ARHGEF38: variants seen among roughly 807,000 people sequenced by gnomAD.
The protein encoded by ARHGEF38 is Rho guanine nucleotide exchange factor 38.
In ARHGEF38, 79 loss-of-function variants were observed where a neutral mutation model predicts 79.9. The observed-to-expected ratio is 0.99, with a 90% CI of 0.82 to 1.19. The LOEUF (loss-of-function observed/expected upper bound fraction) is 1.19, where lower values mean the gene tolerates loss of function less well. ARHGEF38 is among the 50% of genes most tolerant of loss of function. ARHGEF38 has a pLI of 0.00. For synonymous variants in ARHGEF38, 366 were observed against 328.3 expected (o/e 1.11, Z -1.24); for missense variants, 962 against 907.2 (o/e 1.06, Z -0.78).
At chr4:105,656,622 A>G (rs2110559266) in intron 9 of ARHGEF38, among the ~76,000 whole-genome samples, 1 of 152,312 alleles carries the variant, frequency 6.6e-6, no homozygotes, top group Non-Finnish European at 1.5e-5. Context: ...ATTTCATAGT[A>G]GTATTTCAAG....
chr4:105,563,299 T>C (rs1298939866), intron 1 of ARHGEF38: 1 of 152,110 alleles, frequency 6.6e-6, no homozygotes, highest in Non-Finnish European at 1.5e-5. Flanking sequence ...GAAATCCAAT[T>C]AGGACTTTTA....
chr4:105,631,159 T>G lies in ARHGEF38; in HGVS notation c.656+114T>G, dbSNP rs545198673. ...AAATCCTATGTTTTATGAGACTTGC[T>G]GGGAGCTCTGCTTTGCATTCCCTTT... On this transcript the variant is annotated intron_variant, in intron 4 of 13. Coordinates refer to ENST00000420470, the MANE Select transcript of ARHGEF38 (RefSeq NM_001242729.2). 1,675 of 1,363,392 alleles carry G rather than the reference T, an allele frequency of 1.2e-3. 4 individuals are homozygous for G. Among genetic ancestry groups the G allele is most frequent in the Non-Finnish European group, 1.3e-3 (1,360 of 1,059,028 alleles). 84.5% of individuals were successfully genotyped at this position (1,363,392 alleles called of 1,614,324 possible).
Position 105,652,174 on chromosome 4 carries a change from A to C in ARHGEF38, c.1009-1891A>C, listed in dbSNP as rs1730131680. Among the ~76,000 whole-genome samples the C allele has an allele frequency of 2.6e-5, 4 of 152,284 alleles. No individual in the cohort carries two copies. The South Asian group carries it at 8.3e-4, about 32-fold the overall frequency. The stretch of plus-strand genomic sequence containing the variant: ...AAGGGACAGTAGGAGGAATGTTAAC[A>C]ATCTCTGCCATACCTCCTGAAGCTT... On this transcript the variant is annotated intron_variant, in intron 7 of 13. Coordinates refer to ENST00000420470, the MANE Select transcript of ARHGEF38 (RefSeq NM_001242729.2).
chr4:105,625,462 C>T lies in ARHGEF38; in HGVS notation c.509-5436C>T, dbSNP rs138336040. Among the ~76,000 whole-genome samples the T allele has an allele frequency of 3.7e-3, 560 of 152,288 alleles. 2 individuals carry two copies. The highest frequency in any genetic ancestry group is 5.6e-3 in the Non-Finnish European group (381 of 68,026). On this transcript the variant is annotated intron_variant, in intron 3 of 13. Coordinates refer to ENST00000420470, the MANE Select transcript of ARHGEF38 (RefSeq NM_001242729.2). Reference sequence around the variant, plus strand: ...GAAGGGGATGTGTTCTAGAGCTGTACGGCAGCTCTGCTCCACAAGGTGCTC... The same window carrying T: ...GAAGGGGATGTGTTCTAGAGCTGTATGGCAGCTCTGCTCCACAAGGTGCTC...
chr4:105,670,962 T>A (rs1455655611), intron 13 of ARHGEF38, among the ~76,000 whole-genome samples: 1 of 152,192 alleles, frequency 6.6e-6, no homozygotes, highest in Non-Finnish European at 1.5e-5. Context: ...TCCTACTAGC[T>A]GGTACTTCAA....
rs1650816361 is a variant in ARHGEF38 at position 105,645,261 on chromosome 4, T to C, written c.748T>C (p.Leu250=). The C allele has an allele frequency of 2.6e-6, 4 of 1,536,656 alleles. No individual in the cohort carries two copies. Among genetic ancestry groups the C allele is most frequent in the Non-Finnish European group, 1.7e-6 (2 of 1,146,998 alleles). ...PIQRVMKYPL[L]LCELRNSTPP... The stretch of plus-strand genomic sequence containing the variant: ...TCAACGTGTGATGAAATACCCCCTA[T>C]TACTGTGCGAACTTCGGAATTCCAC... The change falls in exon 6 of 14, where the codon TTA becomes CTA. Residue 250 remains leucine (L), a synonymous_variant. Transcript: ENST00000420470.
chr4:105,571,139 A>C (rs1726205302), intron 1 of ARHGEF38, among the ~76,000 whole-genome samples: 1 of 152,204 alleles, frequency 6.6e-6, no homozygotes, highest in African/African-American at 2.4e-5. Flanking sequence ...AATGCCGCTG[A>C]ACTGCACACT....
chr4:105,563,379 T>G (rs893358075), intron 1 of ARHGEF38: 1 of 152,216 alleles, frequency 6.6e-6, no homozygotes, highest in Non-Finnish European at 1.5e-5. Context: ...ATAATACTAA[T>G]TTTTGTATTT....
intron 1 of ARHGEF38, among the ~76,000 whole-genome samples, chr4:105,570,915 C>T (rs1001924542): frequency 1.6e-4 from 25 of 152,200 alleles, no homozygotes; most frequent in African/African-American, 6.0e-4. Context: ...TGAAATAAGC[C>T]AGACACAAAA....
intron 3 of ARHGEF38, among the ~76,000 whole-genome samples, chr4:105,614,245 C>A (rs961473): frequency 1.3e-5 from 2 of 152,108 alleles, no homozygotes; most frequent in Admixed American, 6.6e-5. Flanking sequence ...TTAAAATTAT[C>A]GTTTCTCTAT....
intron 1 of ARHGEF38, among the ~76,000 whole-genome samples, chr4:105,581,430 C>T (rs1454623716): frequency 6.6e-6 from 1 of 152,088 alleles, no homozygotes; most frequent in Non-Finnish European, 1.5e-5. Flanking sequence ...TTAGTTGAAC[C>T]TTCTTATTCA....
intron 2 of ARHGEF38, among the ~76,000 whole-genome samples, chr4:105,592,168 A>G (rs1727372482): frequency 6.6e-6 from 1 of 151,974 alleles, no homozygotes; most frequent in South Asian, 2.1e-4. Context: ...TCTCCTCCTT[A>G]ATTCTGACAT....
intron 1 of ARHGEF38, among the ~76,000 whole-genome samples, chr4:105,566,217 G>A (rs1157890746): frequency 2.0e-5 from 3 of 152,100 alleles, no homozygotes; most frequent in South Asian, 2.1e-4. Context: ...AGTTGTTTTC[G>A]CATCTTTTTT....
intron 5 of ARHGEF38, among the ~76,000 whole-genome samples, chr4:105,644,956 G>A (rs1729774307): frequency 6.6e-6 from 1 of 152,144 alleles, no homozygotes; most frequent in African/African-American, 2.4e-5. Flanking sequence ...CATGCTTTGA[G>A]ACAATTTGAT....
At chr4:105,598,481 G>A (rs750482289) in intron 2 of ARHGEF38, among the ~76,000 whole-genome samples, 1 of 152,144 alleles carries the variant, frequency 6.6e-6, no homozygotes, top group Non-Finnish European at 1.5e-5. Context: ...AAATATACCT[G>A]CCTTTCTCAT....
chr4:105,572,695 G>C (rs1726296914), intron 1 of ARHGEF38, among the ~76,000 whole-genome samples: 1 of 152,186 alleles, frequency 6.6e-6, no homozygotes, highest in East Asian at 1.9e-4. Flanking sequence ...GGTTCATCCA[G>C]GTTATAACAT....
intron 1 of ARHGEF38, among the ~76,000 whole-genome samples, chr4:105,588,743 T>A (rs1727174075): frequency 6.6e-6 from 1 of 152,238 alleles, no homozygotes; most frequent in South Asian, 2.1e-4. Context: ...TGATAGTGAA[T>A]TGAAAAGAAA....
At chr4:105,656,179 C>A (rs947523365) in intron 9 of ARHGEF38, among the ~76,000 whole-genome samples, 7 of 152,038 alleles carry the variant, frequency 4.6e-5, no homozygotes, top group Non-Finnish European at 1.0e-4. Flanking sequence ...CTCAGCCTCT[C>A]GAGTAGCTGG....
At chr4:105,598,333 T>G (rs1039553614) in intron 2 of ARHGEF38, among the ~76,000 whole-genome samples, 6 of 152,110 alleles carry the variant, frequency 3.9e-5, no homozygotes, top group African/African-American at 1.4e-4. Flanking sequence ...CAAACCAGGC[T>G]GATAATTCCA....
Sources: gnomAD v4.1 joint callset for allele counts (sites outside exome capture counted in the v4.1 genomes callset) on GRCh38, gnomAD v4.1.1 for gene constraint, MANE v1.5 for transcripts, NCBI Gene and HGNC (gene_info 2026-07-23, HGNC 2026-07-21) for gene names.